ADD1: variants seen among roughly 807,000 people sequenced by gnomAD.
The protein encoded by ADD1 is adducin 1, also known as alpha-adducin.
A neutral mutation model predicts 80.5 loss-of-function variants in ADD1; 24 were observed. The observed-to-expected ratio is 0.30, with a 90% confidence interval of 0.22 to 0.42. The LOEUF is 0.42. Among genes scored for constraint, ADD1 ranks in the 10% least tolerant of loss-of-function variants. The pLI, the probability that ADD1 is intolerant of heterozygous loss-of-function variation, is 1.00. For missense variants in ADD1, 948 were observed against 1,019.0 expected, an observed-to-expected ratio of 0.93 and a Z score of 0.95; for synonymous variants, 373 against 393.8, an observed-to-expected ratio of 0.95 and a Z score of 0.63.
rs868684564 is a variant in ADD1 at position 2,929,870 on chromosome 4, C to T, written c.*1347C>T. On this transcript the variant is annotated 3_prime_UTR_variant, in exon 16 of 16. Coordinates refer to ENST00000683351, the MANE Select transcript of ADD1 (RefSeq NM_001354761.2). The stretch of plus-strand genomic sequence containing the variant: ...CAAGGCAGAATGAAAAGTCCTTAAC[C>T]GTGGACTCTTCCTTTATCCCCTCCT... The T allele has an allele frequency of 3.3e-5, 5 of 152,764 alleles. No individual in the cohort carries two copies. Among genetic ancestry groups the T allele is most frequent in the East Asian group, 3.9e-4 (2 of 5,192 alleles). 9.5% of individuals were successfully genotyped at this position (152,764 alleles called of 1,614,324 possible).
rs1343056310 is a variant in ADD1 at position 2,926,565 on chromosome 4, T to C, written c.2047+453T>C. ...GCCCGTGGCCCTGCCTTTCTTCTTC[T>C]GTAACCTGATGGCTGTGACTGAATG... is the stretch of plus-strand genomic sequence containing the variant. On this transcript the variant is annotated intron_variant, in intron 15 of 15. Coordinates refer to ENST00000683351, the MANE Select transcript of ADD1 (RefSeq NM_001354761.2). This position sits in a 1 kb window ranked among gnomAD's most constrained non-coding sequence, Gnocchi z 5.0. 1.3e-6 allele frequency: 2 copies of C among 1,548,880 alleles called. No individual in the cohort carries two copies. Among genetic ancestry groups the C allele is most frequent in the Non-Finnish European group, 1.8e-6 (2 of 1,129,432 alleles).
chr4:2,895,752 A>G (rs1735087291), intron 6 of ADD1, among the ~76,000 whole-genome samples: 2 of 152,200 alleles, frequency 1.3e-5, no homozygotes, highest in Non-Finnish European at 2.9e-5. Flanking sequence ...TCCGTATGAA[A>G]GTGCACGTGC....
chr4:2,856,952 G>T (rs896854793), intron 1 of ADD1, among the ~76,000 whole-genome samples: 1 of 150,754 alleles, frequency 6.6e-6, no homozygotes, highest in Non-Finnish European at 1.5e-5. Flanking sequence ...TTGCTTTGTC[G>T]CCCAGGCTGG....
At chr4:2,887,442 G>C (rs1179667162) in intron 4 of ADD1, 1 of 141,374 alleles carries the variant, frequency 7.1e-6, no homozygotes, top group Non-Finnish European at 1.5e-5. Flanking sequence ...ATTTGGAGAA[G>C]TGTTTGTGGG....
intron 13 of ADD1, among the ~76,000 whole-genome samples, chr4:2,911,448 A>ATATATATATATATATATATATATTTTTT (rs553567632): frequency 7.7e-6 from 1 of 130,520 alleles, no homozygotes; most frequent in African/African-American, 3.0e-5. Context: ...ATATATATAT[A>ATATATATATATATATATATATATTTTTT]TTTTTTTTTT....
intron 1 of ADD1, among the ~76,000 whole-genome samples, chr4:2,866,315 C>T (rs1214013583): frequency 3.3e-5 from 5 of 152,022 alleles, no homozygotes; most frequent in Admixed American, 1.3e-4. Flanking sequence ...TACAGGCACG[C>T]ACCATCACAC....
chr4:2,866,281 C>T (rs907672807), intron 1 of ADD1, among the ~76,000 whole-genome samples: 2 of 152,064 alleles, frequency 1.3e-5, no homozygotes, highest in Admixed American at 6.5e-5. Context: ...ATTCTCCTGC[C>T]TCAGCCTCTG....
chr4:2,904,944 C>T lies in ADD1; in HGVS notation c.1342C>T (p.Leu448=). The part of the protein sequence containing the change: ...QKQQREKTRW[L]NSGRGDEASE... The stretch of plus-strand genomic sequence containing the variant: ...GCAGCAGCGGGAGAAGACAAGATGG[C>T]TGAACTCTGGCCGGGGCGACGAAGC... The change falls in exon 10 of 16, where the codon CTG becomes TTG. Residue 448 remains leucine (L), a synonymous_variant. Transcript: ENST00000683351. 2 of 1,614,182 alleles carry T rather than the reference C, an allele frequency of 1.2e-6. No individual in the cohort carries two copies. The highest frequency in any genetic ancestry group is 1.7e-6 in the Non-Finnish European group (2 of 1,180,032).
In ADD1 at chr4:2,889,287, C is replaced by T. The variant is rs139892812; in HGVS notation, c.510+4621C>T. On this transcript the variant is annotated intron_variant, in intron 4 of 15. Transcript: ENST00000683351. ...CTGGGATGCTTGGGTAGAAAAGTCA[C>T]AAGTGGAAATAATTATATGAGACTT... Among the ~76,000 whole-genome samples, 167 of 152,186 alleles carry T rather than the reference C, an allele frequency of 1.1e-3. 1 individual carries two copies. The highest frequency in any genetic ancestry group is 3.6e-3 in the Admixed American group (55 of 15,278).
chr4:2,923,757 TCA>T (rs1740498506), intron 14 of ADD1, among the ~76,000 whole-genome samples: 1 of 152,280 alleles, frequency 6.6e-6, no homozygotes, highest in Admixed American at 6.5e-5. Context: ...ACATCTCATC[TCA>T]TTCTCAAAGT....
intron 2 of ADD1, chr4:2,876,454 C>A (rs2108896327): frequency 6.2e-6 from 1 of 160,752 alleles, no homozygotes; most frequent in East Asian, 1.8e-4. Flanking sequence ...GTAATCCCAG[C>A]ACTTTGGGAG....
At chr4:2,908,057 TGATGTTTGCTCAC>T (rs1195599659) in intron 11 of ADD1, among the ~76,000 whole-genome samples, 2 of 152,234 alleles carry the variant, frequency 1.3e-5, no homozygotes, top group African/African-American at 2.4e-5. Context: ...ATTCTTGAAC[TGATGTTTGCTCAC>T]GATGTTTGCT....
chr4:2,880,445 C>CA (rs1191131959), intron 2 of ADD1, among the ~76,000 whole-genome samples: 1 of 132,418 alleles, frequency 7.6e-6, no homozygotes, highest in Non-Finnish European at 1.6e-5. Flanking sequence ...AATTGTTTGA[C>CA]AAGATATTTC....
At chr4:2,911,849 C>T (rs1300552498) in intron 13 of ADD1, among the ~76,000 whole-genome samples, 2 of 152,226 alleles carry the variant, frequency 1.3e-5, no homozygotes, top group African/African-American at 4.8e-5. Flanking sequence ...GCAAGCTATT[C>T]AGCCCAGGGA....
At chr4:2,915,849 C>A (rs1387448328) in intron 14 of ADD1, among the ~76,000 whole-genome samples, 1 of 152,122 alleles carries the variant, frequency 6.6e-6, no homozygotes, top group Non-Finnish European at 1.5e-5. Context: ...TTGTGAGTGG[C>A]CCTGGCTAGG....
intron 1 of ADD1, among the ~76,000 whole-genome samples, chr4:2,863,219 ATTTTTTTTTTT>A (rs34312305): frequency 8.1e-6 from 1 of 123,764 alleles, no homozygotes; most frequent in Admixed American, 8.5e-5. Flanking sequence ...CTAATTTTTA[ATTTTTTTTTTT>A]TTTTTTTTTG....
rs1237895665 is a variant in ADD1 at position 2,929,491 on chromosome 4, A to C, written c.*968A>C. 2 of 152,224 alleles carry C rather than the reference A, an allele frequency of 1.3e-5. No homozygotes were observed. The highest frequency in any genetic ancestry group is 4.8e-5 in the African/African-American group (2 of 41,426). 9.4% of individuals were successfully genotyped at this position (152,224 alleles called of 1,614,324 possible). ...CATCACCGTCATTGATGGAGCCTGA[A>C]CCGTGTGCTCCTCGGCAGATGCTGT... is the stretch of plus-strand genomic sequence containing the variant. On this transcript the variant is annotated 3_prime_UTR_variant, in exon 16 of 16. Transcript: ENST00000683351.
At chr4:2,912,406 G>A (rs991343634) in intron 13 of ADD1, among the ~76,000 whole-genome samples, 16 of 152,202 alleles carry the variant, frequency 1.1e-4, no homozygotes, top group South Asian at 2.1e-4. Context: ...CCACCACTGG[G>A]GACCTGCTGC....
chr4:2,927,449 T>C (rs532271083), intron 15 of ADD1, among the ~76,000 whole-genome samples: 1 of 152,326 alleles, frequency 6.6e-6, no homozygotes, highest in Admixed American at 6.5e-5. Flanking sequence ...CTAAACAGCT[T>C]GTGGTGCCTA....
Sources: allele counts gnomAD v4.1 joint callset (sites outside exome capture counted in the v4.1 genomes callset), GRCh38; gene constraint gnomAD v4.1.1; non-coding constraint Gnocchi (gnomAD v3.1); transcripts MANE v1.5; gene names NCBI Gene and HGNC (gene_info 2026-07-23, HGNC 2026-07-21).